The following PALS1 variants were observed in gnomAD, a reference collection of about 807,000 sequenced individuals.
PALS1 encodes the protein protein PALS1.
In PALS1, 31 loss-of-function variants were observed where a neutral mutation model predicts 78.9. The observed-to-expected ratio is 0.39, with a 90% confidence interval of 0.30 to 0.53. The LOEUF (loss-of-function observed/expected upper bound fraction) is 0.53. Ranked by LOEUF, PALS1 falls within the 20% of genes least tolerant of loss-of-function variation. The pLI, the probability that PALS1 is intolerant of heterozygous loss-of-function variation, is 0.67. For missense variants in PALS1, 704 were observed against 826.5 expected (o/e 0.85, Z 1.82); for synonymous variants, 276 against 270.9 (o/e 1.02, Z -0.18).
chr14:67,275,441 G>A (rs1428288223), intron 2 of PALS1, among the ~76,000 whole-genome samples: 1 of 152,138 alleles, frequency 6.6e-6, no homozygotes, highest in African/African-American at 2.4e-5. Flanking sequence ...TGCGTATGTT[G>A]AACCAGCCTT....
At chr14:67,301,593 T>C in intron 5 of PALS1, 127 bp downstream of exon 5, 1 of 516,986 alleles carries the variant, frequency 1.9e-6, no homozygotes, top group Non-Finnish European at 3.3e-6. Flanking sequence ...TACAACCCCA[T>C]CTATAACATA....
intron 8 of PALS1, among the ~76,000 whole-genome samples, chr14:67,307,430 A>G (rs1042711399): frequency 2.0e-5 from 3 of 152,222 alleles, no homozygotes; most frequent in Admixed American, 2.0e-4. Flanking sequence ...CTTATTAGTT[A>G]CAGAATATGT....
intron 11 of PALS1, among the ~76,000 whole-genome samples, chr14:67,319,784 T>C (rs1483483981): frequency 6.6e-6 from 1 of 152,246 alleles, no homozygotes; most frequent in Non-Finnish European, 1.5e-5. Flanking sequence ...ACACTGGTTG[T>C]AGCCACTATA....
chr14:67,252,830 C>T (rs554616567), intron 1 of PALS1, among the ~76,000 whole-genome samples: 1 of 152,182 alleles, frequency 6.6e-6, no homozygotes, highest in South Asian at 2.1e-4. Flanking sequence ...AGAGACTGTT[C>T]TGTTCTAGTC....
At chr14:67,323,232 C>CATGTGTGTATGT (rs57594216) in intron 13 of PALS1, among the ~76,000 whole-genome samples, 11 of 143,592 alleles carry the variant, frequency 7.7e-5, no homozygotes, top group East Asian at 7.3e-4. Context: ...CATATATACA[C>CATGTGTGTATGT]GTGTGTGTGT....
intron 9 of PALS1, among the ~76,000 whole-genome samples, chr14:67,313,115 G>A (rs1438656816): frequency 2.6e-5 from 4 of 152,096 alleles, no homozygotes; most frequent in Non-Finnish European, 5.9e-5. Context: ...AGAATTTATT[G>A]TACCAAACGT....
In PALS1 at chr14:67,321,152, T is replaced by C; in HGVS notation, c.1633T>C (p.Phe545Leu). 6.2e-7 allele frequency: 1 copy of C among 1,614,158 alleles called. No individual in the cohort carries two copies. Among genetic ancestry groups the C allele is most frequent in the South Asian group, 1.1e-5 (1 of 91,084 alleles). ...CGAGGCAGACATAGCAGCTGGAAAG[T>C]TCATTGAGCATGGTGAATTTGAGAA... is the stretch of plus-strand genomic sequence containing the variant. ...AFEADIAAGK[F>L]IEHGEFEKNL... The change falls in exon 13 of 15, where the codon TTC becomes CTC. Residue 545 changes from phenylalanine (F) to leucine (L), a missense_variant. By Grantham distance (22) the Phe-to-Leu change is conservative. Transcript: ENST00000261681.
intron 11 of PALS1, among the ~76,000 whole-genome samples, chr14:67,318,009 T>C (rs1447464216): frequency 2.0e-5 from 3 of 152,254 alleles, no homozygotes; most frequent in African/African-American, 7.2e-5. Flanking sequence ...GTTGCTCTTA[T>C]ATCAAGCACC....
chr14:67,291,234 CTT>C (rs139073520), intron 3 of PALS1, among the ~76,000 whole-genome samples: 3 of 144,900 alleles, frequency 2.1e-5, no homozygotes, highest in Non-Finnish European at 1.5e-5. Context: ...ACTACCAGTG[CTT>C]TTTTTTTTTT....
rs140152759 is a variant in PALS1, at chr14:67,257,004, C to T, written c.-236-12697C>T. 9.1e-3 allele frequency among the ~76,000 whole-genome samples: 1,379 copies of T among 152,150 alleles called. 25 individuals are homozygous for T. Among genetic ancestry groups the T allele is most frequent in the African/African-American group, 0.032 (1,344 of 41,496 alleles). On this transcript the variant is annotated intron_variant, in intron 1 of 14. Coordinates refer to ENST00000261681, the MANE Select transcript of PALS1 (RefSeq NM_022474.4). Reference sequence around the variant, plus strand: ...CCTGACGACAGGTGCCCAAGGTGATCGGGGTACAGCTTTTTTTAAATACGT... The same window carrying T: ...CCTGACGACAGGTGCCCAAGGTGATTGGGGTACAGCTTTTTTTAAATACGT...
At chr14:67,272,524 G>A (rs1011853597) in intron 2 of PALS1, among the ~76,000 whole-genome samples, 5 of 152,204 alleles carry the variant, frequency 3.3e-5, no homozygotes, top group African/African-American at 1.2e-4. Flanking sequence ...AGCTATAGTT[G>A]TAGTTGTTAC....
Position 67,333,008 on chromosome 14 carries a change from A to G in PALS1, c.*52A>G, listed in dbSNP as rs72717392. 0.035 allele frequency: 52,451 copies of G among 1,519,792 alleles called. 1,020 individuals are homozygous for G. Among genetic ancestry groups the G allele is most frequent in the Middle Eastern group, 0.054 (313 of 5,764 alleles). The allele number at this position is 1,519,792 out of a possible 1,614,324, so 94.1% of individuals were successfully genotyped here. On this transcript the variant is annotated 3_prime_UTR_variant, in exon 15 of 15. Transcript: ENST00000261681. ...GGACTTGATCTGGCAAAAACTGCCA[A>G]TAGGAGGACTGCCCGACACTGCAGC...
At chr14:67,275,288 C>G (rs1425850967) in intron 2 of PALS1, among the ~76,000 whole-genome samples, 1 of 152,128 alleles carries the variant, frequency 6.6e-6, no homozygotes, top group Non-Finnish European at 1.5e-5. Flanking sequence ...TTTTGAGATA[C>G]ATTCCATCAA....
intron 10 of PALS1, 54 bp from the exon 11 acceptor site, chr14:67,317,354 T>C (rs1475128): frequency 0.075 from 105,177 of 1,401,750 alleles, 12,021 homozygotes; most frequent in East Asian, 0.41. Flanking sequence ...ATTTGAGTTA[T>C]GTGGTTTTGT....
intron 4 of PALS1, among the ~76,000 whole-genome samples, chr14:67,297,119 A>G (rs2084867208): frequency 1.3e-5 from 2 of 152,276 alleles, no homozygotes; most frequent in South Asian, 4.1e-4. Context: ...AAGAAAAATA[A>G]TAATACCAGA....
chr14:67,327,857 A>G (rs952578236), intron 14 of PALS1, among the ~76,000 whole-genome samples: 10 of 152,190 alleles, frequency 6.6e-5, no homozygotes, highest in Non-Finnish European at 1.0e-4. Flanking sequence ...CATGGTGTAT[A>G]TGTGCCACAT....
chr14:67,245,163 C>A (rs1001121600), intron 1 of PALS1, among the ~76,000 whole-genome samples: 3 of 152,150 alleles, frequency 2.0e-5, no homozygotes, highest in African/African-American at 7.2e-5. Flanking sequence ...AAAATAATTT[C>A]TGTTGTTTTA....
intron 2 of PALS1, among the ~76,000 whole-genome samples, chr14:67,273,868 A>G (rs1237564027): frequency 1.3e-5 from 2 of 152,152 alleles, no homozygotes; most frequent in South Asian, 2.1e-4. Flanking sequence ...TTCTTTGATG[A>G]CCAGTGATAA....
intron 11 of PALS1, among the ~76,000 whole-genome samples, chr14:67,318,721 T>A (rs555508934): frequency 1.5e-4 from 23 of 152,340 alleles, no homozygotes; most frequent in African/African-American, 5.3e-4. Context: ...CTATATGATG[T>A]TGTTCTCACA....
Sources: allele counts gnomAD v4.1 joint callset (sites outside exome capture counted in the v4.1 genomes callset), GRCh38; gene constraint gnomAD v4.1.1; transcripts MANE v1.5; gene names NCBI Gene and HGNC (gene_info 2026-07-23, HGNC 2026-07-21).